The following RORA variants were observed in gnomAD, a reference collection of about 807,000 sequenced individuals.
RORA encodes RAR related orphan receptor A.
In RORA, 7 loss-of-function variants were observed where a neutral mutation model predicts 69.5. The ratio of observed to expected loss-of-function variants is 0.10; its 90% CI spans 0.06 to 0.19. The LOEUF (loss-of-function observed/expected upper bound fraction) is 0.19. Among genes scored for constraint, RORA ranks in the 10% least tolerant of loss-of-function variants. The pLI, the probability that RORA is intolerant of heterozygous loss-of-function variation, is 1.00. For missense variants in RORA, 457 were observed against 663.0 expected (o/e 0.69, Z 3.41); for synonymous variants, 261 against 240.8 (o/e 1.08, Z -0.78).
intron 1 of RORA, among the ~76,000 whole-genome samples, chr15:61,111,733 A>G (rs901136470): frequency 6.6e-6 from 1 of 152,226 alleles, no homozygotes; most frequent in African/African-American, 2.4e-5. Flanking sequence ...TTTAAAAACT[A>G]AGGAAAAAGA....
intron 1 of RORA, among the ~76,000 whole-genome samples, chr15:60,702,244 G>A (rs1596138855): frequency 6.6e-6 from 1 of 151,012 alleles, no homozygotes; most frequent in African/African-American, 2.5e-5. Flanking sequence ...TTCTTTTTTT[G>A]AGACAGAGTC....
At chr15:60,868,852 C>A (rs556612882) in intron 1 of RORA, among the ~76,000 whole-genome samples, 1 of 152,236 alleles carries the variant, frequency 6.6e-6, no homozygotes, top group South Asian at 2.1e-4. Context: ...TGTCTGAGAG[C>A]ACTTCATGCC....
At chr15:61,143,874 G>A (rs762376940) in intron 1 of RORA, among the ~76,000 whole-genome samples, 5 of 151,894 alleles carry the variant, frequency 3.3e-5, no homozygotes, top group Admixed American at 6.6e-5. Context: ...ATTAGGCAAG[G>A]AACAAAAACC....
chr15:61,059,588 T>A (rs2078142343), intron 1 of RORA, among the ~76,000 whole-genome samples: 1 of 152,186 alleles, frequency 6.6e-6, no homozygotes, highest in Admixed American at 6.5e-5. Context: ...AGATACGTTA[T>A]TGCCATTTCT....
At position 60,819,746 on chromosome 15, in the gene RORA, GACACACACACACAC is replaced by G. The variant is rs59044853; in HGVS notation, c.167-141074_167-141061del. Among the ~76,000 whole-genome samples the G allele has an allele frequency of 6.9e-3, 819 of 119,330 alleles. 4 individuals carry two copies. The highest frequency in any genetic ancestry group is 0.022 in the African/African-American group (668 of 29,890). 78.3% of individuals were successfully genotyped at this position (119,330 alleles called of 152,430 possible). A position where few individuals can be genotyped will look rare whatever the true frequency, so the allele number is the denominator to read the frequency against. On this transcript the variant is annotated intron_variant, in intron 1 of 10. Coordinates refer to ENST00000335670, the MANE Select transcript of RORA (RefSeq NM_134261.3). ...CACTCCTGGACTGAAGTCAAACCCA[GACACACACACACAC>G]ACACACACACACACACACACACACA...
At chr15:60,956,228 T>G (rs938191939) in intron 1 of RORA, among the ~76,000 whole-genome samples, 30 of 152,244 alleles carry the variant, frequency 2.0e-4, no homozygotes, top group African/African-American at 6.3e-4. Flanking sequence ...ATTATTACAA[T>G]GACTTGTTTT....
intron 1 of RORA, among the ~76,000 whole-genome samples, chr15:60,796,611 T>C (rs12902540): frequency 0.13 from 19,507 of 152,128 alleles, 1,667 homozygotes; most frequent in East Asian, 0.47. Flanking sequence ...TGTAAAGCAA[T>C]TTGGTAGCCC....
chr15:61,123,429 C>A (rs1465386099), intron 1 of RORA, among the ~76,000 whole-genome samples: 1 of 152,124 alleles, frequency 6.6e-6, no homozygotes, highest in East Asian at 1.9e-4. Context: ...CTGCCCTGGG[C>A]TAAACCAGGT....
At chr15:60,823,669 G>A (rs908058494) in intron 1 of RORA, among the ~76,000 whole-genome samples, 1 of 152,178 alleles carries the variant, frequency 6.6e-6, no homozygotes, top group Non-Finnish European at 1.5e-5. Context: ...TATGTAATAG[G>A]CACTTTATCT....
intron 1 of RORA, among the ~76,000 whole-genome samples, chr15:60,880,821 ACG>A (rs1567223746): frequency 5.3e-5 from 8 of 152,204 alleles, no homozygotes; most frequent in Admixed American, 1.3e-4. Flanking sequence ...TAAATTTAAT[ACG>A]TGTCTGACCT....
rs541611308 is a variant in RORA, at chr15:60,688,261, A to C, written c.167-9575T>G. On this transcript the variant is annotated intron_variant, in intron 1 of 10. Coordinates refer to ENST00000335670, the MANE Select transcript of RORA (RefSeq NM_134261.3). ...TAGTATATCATTTTGTCAAAAAAGG[A>C]AAAAAAAATGTATAGAAAAAAGACA... Among the ~76,000 whole-genome samples, 468 of 151,464 alleles carry C rather than the reference A, an allele frequency of 3.1e-3. 2 individuals are homozygous for C. Among genetic ancestry groups the C allele is most frequent in the African/African-American group, 0.011 (454 of 41,336 alleles).
intron 1 of RORA, among the ~76,000 whole-genome samples, chr15:60,709,923 T>A (rs1310592359): frequency 6.6e-6 from 1 of 152,098 alleles, no homozygotes; most frequent in African/African-American, 2.4e-5. Flanking sequence ...GGACTGTTGC[T>A]TTAGACCACC....
chr15:60,896,603 A>G (rs1363596734), intron 1 of RORA, among the ~76,000 whole-genome samples: 1 of 152,196 alleles, frequency 6.6e-6, no homozygotes, highest in African/African-American at 2.4e-5. Flanking sequence ...AATCTACCTT[A>G]TACCCAAAAT....
At chr15:60,866,855 C>CTATCTGT (rs55912042) in intron 1 of RORA, among the ~76,000 whole-genome samples, 1 of 90,520 alleles carries the variant, frequency 1.1e-5, no homozygotes, top group Non-Finnish European at 2.5e-5. Flanking sequence ...TATCTATCTA[C>CTATCTGT]CTACCTACCT....
chr15:61,191,709 A>G (rs1399434686), intron 1 of RORA, among the ~76,000 whole-genome samples: 2 of 152,240 alleles, frequency 1.3e-5, no homozygotes, highest in East Asian at 3.8e-4. Context: ...GACGCAGCAC[A>G]CATAGTAATC....
At chr15:60,935,824 T>C (rs1892503144) in intron 1 of RORA, among the ~76,000 whole-genome samples, 1 of 152,178 alleles carries the variant, frequency 6.6e-6, no homozygotes, top group African/African-American at 2.4e-5. Flanking sequence ...ATGTGACCCT[T>C]TGAGACCGCA....
chr15:61,187,239 T>C (rs2079752933), intron 1 of RORA, among the ~76,000 whole-genome samples: 1 of 152,254 alleles, frequency 6.6e-6, no homozygotes, highest in South Asian at 2.1e-4. Context: ...ATATCCCCGT[T>C]ACTACTAAAA....
chr15:60,555,996 C>A (rs969098383), intron 2 of RORA, among the ~76,000 whole-genome samples: 2 of 152,136 alleles, frequency 1.3e-5, no homozygotes, highest in Non-Finnish European at 2.9e-5. Context: ...TCTCAAAACA[C>A]CCATCTGTGC....
At chr15:60,615,215 A>G (rs867846289) in intron 2 of RORA, among the ~76,000 whole-genome samples, 7 of 152,164 alleles carry the variant, frequency 4.6e-5, no homozygotes, top group African/African-American at 1.7e-4. Context: ...GAATCCTGTA[A>G]TAGCCCATGC....
Sources: gnomAD v4.1 joint callset for allele counts (sites outside exome capture counted in the v4.1 genomes callset) on GRCh38, gnomAD v4.1.1 for gene constraint, MANE v1.5 for transcripts, NCBI Gene and HGNC (gene_info 2026-07-23, HGNC 2026-07-21) for gene names.